Variants in USP27X observed in about 807,000 individuals in gnomAD.
USP27X encodes ubiquitin specific peptidase 27 X-linked.
For synonymous variants in USP27X, 109 were observed against 141.5 expected (o/e 0.77, Z 1.63); for missense variants, 161 against 341.0 (o/e 0.47, Z 4.16).
chrX:49,881,669 A>G lies in USP27X; in HGVS notation c.*45A>G. 1 of 1,035,742 alleles carries G rather than the reference A, an allele frequency of 9.7e-7. No homozygotes were observed. The highest frequency in any genetic ancestry group is 2.6e-4 in the Middle Eastern group (1 of 3,871). 85.4% of individuals were successfully genotyped at this position (1,035,742 alleles called of 1,213,427 possible). ...TGCAATGGAAGATGACGACACCAAT[A>G]CTACAACTGGCATCGAGATCTAAAG... On this transcript the variant is annotated 3_prime_UTR_variant, in exon 1 of 1. Coordinates refer to ENST00000621775, the MANE Select transcript of USP27X (RefSeq NM_001145073.3).
At position 49,881,741 on chromosome X, in the gene USP27X, C is replaced by A. The variant is rs1256319828; in HGVS notation, c.*117C>A. The A allele has an allele frequency of 4.9e-6, 3 of 612,953 alleles. No individual in the cohort carries two copies. The highest frequency in any genetic ancestry group is 7.5e-6 in the Non-Finnish European group (3 of 402,247). 50.5% of individuals were successfully genotyped at this position (612,953 alleles called of 1,213,427 possible). A position where few individuals can be genotyped will look rare whatever the true frequency, so the allele number is the denominator to read the frequency against. Reference sequence around the variant, plus strand: ...TGGGCCTGACAGAGTAAGAATTGAACAGTACCCAGTGTCCAAAAGGTCCTG... The same window carrying A: ...TGGGCCTGACAGAGTAAGAATTGAAAAGTACCCAGTGTCCAAAAGGTCCTG... On this transcript the variant is annotated 3_prime_UTR_variant, in exon 1 of 1. Coordinates refer to ENST00000621775, the MANE Select transcript of USP27X (RefSeq NM_001145073.3).
Position 49,880,241 on chromosome X carries a change from C to T in USP27X, c.-67C>T. 3 of 947,344 alleles carry T rather than the reference C, an allele frequency of 3.2e-6. No homozygotes were observed. Among genetic ancestry groups the T allele is most frequent in the Non-Finnish European group, 2.8e-6 (2 of 702,217 alleles). 78.1% of individuals were successfully genotyped at this position (947,344 alleles called of 1,213,427 possible). ...GCTGCTTCACGGAGAAACACATTCA[C>T]GAGCACGCAGAGACGAAACAACACA... On this transcript the variant is annotated 5_prime_UTR_variant, in exon 1 of 1. The change creates a new upstream start codon in the 5' untranslated region. Coordinates refer to ENST00000621775, the MANE Select transcript of USP27X (RefSeq NM_001145073.3).
At position 49,879,899 on chromosome X, in the gene USP27X, ACCCCGG is replaced by A. The variant is rs1289024715; in HGVS notation, c.-398_-393del. On this transcript the variant is annotated 5_prime_UTR_variant, in exon 1 of 1. Transcript: ENST00000621775. Reference sequence around the variant, plus strand: ...GTCGCAGTCGTGCGCCGCGCCGCCGACCCCGGCCCCGGCCCCAGACCCGGCTCCGTA... The same window carrying A: ...GTCGCAGTCGTGCGCCGCGCCGCCGACCCCGGCCCCAGACCCGGCTCCGTA... 5.6e-5 allele frequency: 6 copies of A among 107,811 alleles called. No individual in the cohort carries two copies. Among genetic ancestry groups the A allele is most frequent in the East Asian group, 3.0e-4 (1 of 3,360 alleles). 8.9% of individuals were successfully genotyped at this position (107,811 alleles called of 1,213,427 possible).
rs1569536015 is a variant in USP27X at position 49,881,582 on chromosome X, T to C, written c.1275T>C (p.His425=). 5 of 1,175,317 alleles carry C rather than the reference T, an allele frequency of 4.3e-6. No homozygotes were observed. In the Admixed American group the frequency reaches 7.4e-5, roughly 17 times the overall value. Residue 425 remains histidine, a synonymous_variant, in exon 1 of 1, where the codon CAT becomes CAC. Transcript: ENST00000621775. ...LLFYHKQVLE[H]ESEKVKEMNT... ...TCTATCACAAACAGGTGCTAGAACATGAGTCAGAAAAAGTGAAAGAAATGA... is the reference window on the plus strand; with the variant it reads ...TCTATCACAAACAGGTGCTAGAACACGAGTCAGAAAAAGTGAAAGAAATGA...
chrX:49,881,495 T>A lies in USP27X; in HGVS notation c.1188T>A (p.Asp396Glu). ...ACAAGGACCAGTGGTTCAAGTGTGA[T>A]GATGCCGTCATCACTAAGGCCAGTA... ...RHHKDQWFKC[D>E]DAVITKASIK... The change falls in exon 1 of 1, where the codon GAT becomes GAA. Residue 396 changes from aspartate to glutamate, a missense_variant. Coordinates refer to ENST00000621775, the MANE Select transcript of USP27X (RefSeq NM_001145073.3). 1 of 1,210,885 alleles carries A rather than the reference T, an allele frequency of 8.3e-7. No individual in the cohort carries two copies. Among genetic ancestry groups the A allele is most frequent in the Non-Finnish European group, 1.1e-6 (1 of 895,026 alleles).
rs1557162594 is a variant in USP27X at position 49,880,855 on chromosome X, A to G, written c.548A>G (p.Asp183Gly). The change falls in exon 1 of 1, where the codon GAT (aspartate) becomes GGT (glycine). Residue 183 changes from aspartate to glycine, a missense_variant. Coordinates refer to ENST00000621775, the MANE Select transcript of USP27X (RefSeq NM_001145073.3). ...GTCCTGCACAGGCACTGCAAAGGTG[A>G]TGATGTCGGGAAGGCGGCCAACAAT... ...LDVLHRHCKG[D>G]DVGKAANNPN... The G allele has an allele frequency of 1.7e-6, 2 of 1,207,438 alleles. No individual in the cohort carries two copies. The highest frequency in any genetic ancestry group is 2.2e-6 in the Non-Finnish European group (2 of 893,239).
At position 49,881,819 on chromosome X, in the gene USP27X, A is replaced by G. The variant is rs782364068; in HGVS notation, c.*195A>G. 15 of 399,468 alleles carry G rather than the reference A, an allele frequency of 3.8e-5. No individual in the cohort carries two copies. In the Admixed American group the frequency reaches 6.5e-4, roughly 17 times the overall value. The allele number at this position is 399,468 out of a possible 1,213,427, so 32.9% of individuals were successfully genotyped here. On this transcript the variant is annotated 3_prime_UTR_variant, in exon 1 of 1. Transcript: ENST00000621775. ...GAAGAGGCTCTAGTCTAAGCAGTTGATGAAAGGGAAATTAAATGGTAGAAA... is the reference window on the plus strand; with the variant it reads ...GAAGAGGCTCTAGTCTAAGCAGTTGGTGAAAGGGAAATTAAATGGTAGAAA...
At position 49,881,370 on chromosome X, in the gene USP27X, A is replaced by G. The variant is rs1924386959; in HGVS notation, c.1063A>G (p.Thr355Ala). The G allele has an allele frequency of 5.9e-6, 7 of 1,196,201 alleles. No homozygotes were observed. In the Admixed American group the frequency reaches 1.6e-4, roughly 27 times the overall value. The change falls in exon 1 of 1, where the codon ACC becomes GCC. Residue 355 changes from threonine (T) to alanine (A), a missense_variant. By Grantham distance (58) the Thr-to-Ala change is moderately conservative. Transcript: ENST00000621775. ...AATGAATGGACAATTGCAGCTGCCA[A>G]CCAATAGTGGAAACAACGAAAATAA... ...SRMNGQLQLP[T>A]NSGNNENKYS...
In USP27X at chrX:49,880,225, C is replaced by T. The variant is rs1924357975; in HGVS notation, c.-83C>T. On this transcript the variant is annotated 5_prime_UTR_variant, in exon 1 of 1. In the 5' UTR this introduces an upstream ATG that the reference lacks. Transcript: ENST00000621775. ...TCCTGTGTCTTCTTTGGCTGCTTCA[C>T]GGAGAAACACATTCACGAGCACGCA... is the stretch of plus-strand genomic sequence containing the variant. The T allele has an allele frequency of 2.3e-6, 2 of 867,943 alleles. No homozygotes were observed. The highest frequency in any genetic ancestry group is 3.2e-6 in the Non-Finnish European group (2 of 630,185). The allele number at this position is 867,943 out of a possible 1,213,427, so 71.5% of individuals were successfully genotyped here.
At position 49,880,718 on chromosome X, in the gene USP27X, C is replaced by A; in HGVS notation, c.411C>A (p.Asn137Lys). ...SSLFRELYSG[N>K]PSPHVPYKLL... ...TGTTTCGGGAGTTGTATTCTGGAAACCCGTCTCCTCATGTGCCCTATAAGT... is the reference window on the plus strand; with the variant it reads ...TGTTTCGGGAGTTGTATTCTGGAAAACCGTCTCCTCATGTGCCCTATAAGT... The change falls in exon 1 of 1, where the codon AAC becomes AAA. Residue 137 changes from asparagine (N) to lysine (K), a missense_variant. Transcript: ENST00000621775. 2.6e-6 allele frequency: 3 copies of A among 1,168,175 alleles called. No homozygotes were observed. Among genetic ancestry groups the A allele is most frequent in the Non-Finnish European group, 3.4e-6 (3 of 873,205 alleles).
At position 49,880,183 on chromosome X, in the gene USP27X, G is replaced by T; in HGVS notation, c.-125G>T. ...CATGTGTGTGGCACCCATCTGAACA[G>T]ACTCCACTCTTGCCTTTCCTGTGTC... is the stretch of plus-strand genomic sequence containing the variant. On this transcript the variant is annotated 5_prime_UTR_variant, in exon 1 of 1. Transcript: ENST00000621775. 1.7e-6 allele frequency: 1 copy of T among 575,333 alleles called. No homozygotes were observed. Among genetic ancestry groups the T allele is most frequent in the South Asian group, 3.3e-5 (1 of 30,680 alleles). 47.4% of individuals were successfully genotyped at this position (575,333 alleles called of 1,213,427 possible).
chrX:49,881,470 A>G lies in USP27X; in HGVS notation c.1163A>G (p.His388Arg). The G allele has an allele frequency of 8.3e-7, 1 of 1,211,788 alleles. No individual in the cohort carries two copies. Among genetic ancestry groups the G allele is most frequent in the Non-Finnish European group, 1.1e-6 (1 of 895,434 alleles). The change falls in exon 1 of 1, where the codon CAC becomes CGC. Residue 388 changes from histidine to arginine, a missense_variant. His to Arg is a conservative substitution (Grantham distance 29, BLOSUM62 0). Coordinates refer to ENST00000621775, the MANE Select transcript of USP27X (RefSeq NM_001145073.3). Reference protein sequence around the residue: ...SGHYTSFIRHHKDQWFKCDDA... With the variant: ...SGHYTSFIRHRKDQWFKCDDA... ...CACTATACCAGCTTCATCCGGCACC[A>G]CAAGGACCAGTGGTTCAAGTGTGAT...
At position 49,879,635 on chromosome X, in the gene USP27X, G is replaced by A. The variant is rs1440856202; in HGVS notation, c.-673G>A. Among the ~76,000 whole-genome samples the A allele has an allele frequency of 4.5e-5, 5 of 110,528 alleles. No homozygotes were observed. Among genetic ancestry groups the A allele is most frequent in the Non-Finnish European group, 7.6e-5 (4 of 52,481 alleles). On this transcript the variant is annotated 5_prime_UTR_variant, in exon 1 of 1. Coordinates refer to ENST00000621775, the MANE Select transcript of USP27X (RefSeq NM_001145073.3). ...CGGGGAAGGTGGACGCCACCGAGAAGGTGGAGACGGCGGGGAAGGTGGACG... is the reference window on the plus strand; with the variant it reads ...CGGGGAAGGTGGACGCCACCGAGAAAGTGGAGACGGCGGGGAAGGTGGACG...
In USP27X at chrX:49,879,630, G is replaced by A. The variant is rs192886031; in HGVS notation, c.-678G>A. Among the ~76,000 whole-genome samples the A allele has an allele frequency of 0.026, 2,833 of 110,073 alleles. 43 individuals are homozygous for A. The highest frequency in any genetic ancestry group is 0.043 in the Middle Eastern group (9 of 211). ...GGCGGCGGGGAAGGTGGACGCCACC[G>A]AGAAGGTGGAGACGGCGGGGAAGGT... On this transcript the variant is annotated 5_prime_UTR_variant, in exon 1 of 1. Coordinates refer to ENST00000621775, the MANE Select transcript of USP27X (RefSeq NM_001145073.3).
In USP27X at chrX:49,880,208, C is replaced by T; in HGVS notation, c.-100C>T. On this transcript the variant is annotated 5_prime_UTR_variant, in exon 1 of 1. Coordinates refer to ENST00000621775, the MANE Select transcript of USP27X (RefSeq NM_001145073.3). ...GACTCCACTCTTGCCTTTCCTGTGT[C>T]TTCTTTGGCTGCTTCACGGAGAAAC... The T allele has an allele frequency of 1.3e-6, 1 of 746,293 alleles. No homozygotes were observed. Among genetic ancestry groups the T allele is most frequent in the Non-Finnish European group, 1.9e-6 (1 of 519,306 alleles). 61.5% of individuals were successfully genotyped at this position (746,293 alleles called of 1,213,427 possible). A position where few individuals can be genotyped will look rare whatever the true frequency, so the allele number is the denominator to read the frequency against.
In USP27X at chrX:49,880,313, T is replaced by G; in HGVS notation, c.6T>G (p.Cys2Trp). The G allele has an allele frequency of 8.7e-7, 1 of 1,149,371 alleles. No homozygotes were observed. The highest frequency in any genetic ancestry group is 1.2e-6 in the Non-Finnish European group (1 of 861,964). 94.7% of individuals were successfully genotyped at this position (1,149,371 alleles called of 1,213,427 possible). A position where few individuals can be genotyped will look rare whatever the true frequency, so the allele number is the denominator to read the frequency against. ...ACGGAGGTATATACTGCTTTATGTG[T>G]AAGGACTATGTATATGACAAAGACA... M[C>W]KDYVYDKDIE... Residue 2 changes from cysteine to tryptophan, a missense_variant, in exon 1 of 1, where the codon TGT becomes TGG. Cys to Trp is a radical substitution (Grantham distance 215). Transcript: ENST00000621775.
chrX:49,879,821 T>A lies in USP27X; in HGVS notation c.-487T>A, dbSNP rs1924347393. The A allele has an allele frequency of 9.0e-6, 1 of 111,378 alleles. No individual in the cohort carries two copies. Among genetic ancestry groups the A allele is most frequent in the Non-Finnish European group, 1.9e-5 (1 of 52,679 alleles). The allele number at this position is 111,378 out of a possible 1,213,427, so 9.2% of individuals were successfully genotyped here. A position where few individuals can be genotyped will look rare whatever the true frequency, so the allele number is the denominator to read the frequency against. On this transcript the variant is annotated 5_prime_UTR_variant, in exon 1 of 1. Transcript: ENST00000621775. ...GCGGTGGCGGCAACAGCGACGAGGT[T>A]CCTCCCCCCACCCTTCCCTCCGATC...
rs1924333165 is a variant in USP27X, at chrX:49,879,544, A to G, written c.-764A>G. On this transcript the variant is annotated 5_prime_UTR_variant, in exon 1 of 1. Transcript: ENST00000621775. Reference sequence around the variant, plus strand: ...GAGGCGGAGACGGCGGAGAAGGCGGAGAGGAAGGTGGAGGCGGAGGCGAAG... The same window carrying G: ...GAGGCGGAGACGGCGGAGAAGGCGGGGAGGAAGGTGGAGGCGGAGGCGAAG... Among the ~76,000 whole-genome samples the G allele has an allele frequency of 9.1e-6, 1 of 109,597 alleles. No homozygotes were observed. The highest frequency in any genetic ancestry group is 9.5e-5 in the Admixed American group (1 of 10,576).
In USP27X at chrX:49,881,064, G is replaced by T. The variant is rs1557162672; in HGVS notation, c.757G>T (p.Gly253Trp). 2.6e-6 allele frequency: 3 copies of T among 1,173,559 alleles called. No homozygotes were observed. The highest frequency in any genetic ancestry group is 3.4e-6 in the Non-Finnish European group (3 of 875,816). ...CCCAGGGAGGGAGAGCAGTGTGAAC[G>T]GGGAAAGCCACATACCAGGAATCAC... ...MSPGRESSVNGESHIPGITTL... is the reference protein window; with the variant it reads ...MSPGRESSVNWESHIPGITTL... Residue 253 changes from glycine to tryptophan, a missense_variant, in exon 1 of 1, where the codon GGG becomes TGG. Coordinates refer to ENST00000621775, the MANE Select transcript of USP27X (RefSeq NM_001145073.3).
Sources: gnomAD v4.1 joint callset for allele counts (sites outside exome capture counted in the v4.1 genomes callset) on GRCh38, gnomAD v4.1.1 for gene constraint, MANE v1.5 for transcripts, NCBI Gene and HGNC (gene_info 2026-07-23, HGNC 2026-07-21) for gene names.